Variants in ZSWIM6 observed in about 807,000 individuals in gnomAD.
ZSWIM6 encodes zinc finger SWIM domain-containing protein 6.
Under a neutral mutation model 113.2 loss-of-function variants are expected in ZSWIM6, and 9 were observed. The ratio of observed to expected loss-of-function variants is 0.08; its 90% CI spans 0.05 to 0.14. ZSWIM6 has a LOEUF of 0.14. Among genes scored for constraint, ZSWIM6 ranks in the 10% least tolerant of loss-of-function variants. The pLI, the probability that ZSWIM6 is intolerant of heterozygous loss-of-function variation, is 1.00. For missense variants in ZSWIM6, 1,162 were observed against 1,552.2 expected (o/e 0.75, Z 4.22); for synonymous variants, 611 against 606.5 (o/e 1.01, Z -0.11).
At chr5:61,515,710 G>C (rs1748915683) in intron 4 of ZSWIM6, among the ~76,000 whole-genome samples, 1 of 152,198 alleles carries the variant, frequency 6.6e-6, no homozygotes, top group Non-Finnish European at 1.5e-5. Flanking sequence ...TCAGGTATTT[G>C]ATAATTTTCT....
At chr5:61,444,310 G>C (rs1397237537) in intron 1 of ZSWIM6, among the ~76,000 whole-genome samples, 4 of 151,944 alleles carry the variant, frequency 2.6e-5, no homozygotes, top group African/African-American at 9.7e-5. Flanking sequence ...GTATTCCATG[G>C]TGTATATGTG....
chr5:61,471,041 G>T (rs961357844), intron 1 of ZSWIM6, among the ~76,000 whole-genome samples: 1 of 152,166 alleles, frequency 6.6e-6, no homozygotes, highest in Admixed American at 6.5e-5. Context: ...TGCACCACCC[G>T]TTCCAGAGTC....
chr5:61,518,649 T>C (rs1467426893), intron 4 of ZSWIM6, among the ~76,000 whole-genome samples: 1 of 152,224 alleles, frequency 6.6e-6, no homozygotes, highest in Non-Finnish European at 1.5e-5. Flanking sequence ...TGTTTTTTCT[T>C]GTAAATTTAT....
intron 2 of ZSWIM6, among the ~76,000 whole-genome samples, chr5:61,487,684 T>C (rs2112209211): frequency 6.6e-6 from 1 of 152,126 alleles, no homozygotes; most frequent in African/African-American, 2.4e-5. Context: ...CTTAGGTAGA[T>C]TGTTATTGGC....
chr5:61,452,348 C>T (rs1011971402), intron 1 of ZSWIM6, among the ~76,000 whole-genome samples: 2 of 151,878 alleles, frequency 1.3e-5, no homozygotes, highest in African/African-American at 4.8e-5. Flanking sequence ...TTTGGGTTAC[C>T]AGCTTTTTAT....
At chr5:61,356,637 T>A (rs901734882) in intron 1 of ZSWIM6, among the ~76,000 whole-genome samples, 1 of 145,652 alleles carries the variant, frequency 6.9e-6, no homozygotes. Flanking sequence ...TTTATAGTAA[T>A]AAGCTGTCTT....
At chr5:61,418,361 G>A (rs1310967955) in intron 1 of ZSWIM6, among the ~76,000 whole-genome samples, 2 of 151,648 alleles carry the variant, frequency 1.3e-5, no homozygotes, top group Non-Finnish European at 2.9e-5. Context: ...TCCGCTTCCC[G>A]GGTTCAAGTG....
At chr5:61,390,800 C>T (rs1745690849) in intron 1 of ZSWIM6, 3 of 793,808 alleles carry the variant, frequency 3.8e-6, no homozygotes, top group Admixed American at 1.7e-5. Context: ...CAATCTTCTC[C>T]AGAGGCCGCC....
intron 1 of ZSWIM6, among the ~76,000 whole-genome samples, chr5:61,440,892 T>A (rs1466637412): frequency 6.6e-6 from 1 of 152,200 alleles, no homozygotes; most frequent in Non-Finnish European, 1.5e-5. Flanking sequence ...TATAAACAAT[T>A]CACTATAGTG....
intron 1 of ZSWIM6, among the ~76,000 whole-genome samples, chr5:61,355,431 A>AACACACAAACACAC (rs1744879429): frequency 7.8e-6 from 1 of 127,596 alleles, no homozygotes. Context: ...GAGACTTTAA[A>AACACACAAACACAC]ACACACACAC....
At position 61,332,271 on chromosome 5, in the gene ZSWIM6, T is replaced by A; in HGVS notation, c.-2T>A. ...CGCTGTCGGGTTAGAAGCGGCGCGGTCATGGCGGAGCGCGGACAGCAGCCT... is the reference window on the plus strand; with the variant it reads ...CGCTGTCGGGTTAGAAGCGGCGCGGACATGGCGGAGCGCGGACAGCAGCCT... On this transcript the variant is annotated 5_prime_UTR_variant, in exon 1 of 14. Coordinates refer to ENST00000252744, the MANE Select transcript of ZSWIM6 (RefSeq NM_020928.2). 8.6e-7 allele frequency: 1 copy of A among 1,165,538 alleles called. No individual in the cohort carries two copies. The highest frequency in any genetic ancestry group is 1.1e-6 in the Non-Finnish European group (1 of 943,556). The allele number at this position is 1,165,538 out of a possible 1,614,324, so 72.2% of individuals were successfully genotyped here.
Position 61,415,105 on chromosome 5 carries a change from C to T in ZSWIM6, c.677-57576C>T, listed in dbSNP as rs1029490197. Among the ~76,000 whole-genome samples the T allele has an allele frequency of 3.3e-5, 5 of 152,188 alleles. No homozygotes were observed. The South Asian group carries it at 1.0e-3, about 31-fold the overall frequency. Reference sequence around the variant, plus strand: ...CAAAGCTGATGCTCCTCGTACTGTTCCCTATGGCTGCAACACAGAGCTAAT... The same window carrying T: ...CAAAGCTGATGCTCCTCGTACTGTTTCCTATGGCTGCAACACAGAGCTAAT... On this transcript the variant is annotated intron_variant, in intron 1 of 13. Coordinates refer to ENST00000252744, the MANE Select transcript of ZSWIM6 (RefSeq NM_020928.2).
chr5:61,414,407 A>G (rs1157498500), intron 1 of ZSWIM6, among the ~76,000 whole-genome samples: 1 of 152,144 alleles, frequency 6.6e-6, no homozygotes, highest in African/African-American at 2.4e-5. Flanking sequence ...CAGTTTTGGG[A>G]CGTGACAAAT....
At chr5:61,377,838 TC>T (rs1296245949) in intron 1 of ZSWIM6, among the ~76,000 whole-genome samples, 1 of 151,916 alleles carries the variant, frequency 6.6e-6, no homozygotes, top group African/African-American at 2.4e-5. Context: ...GACTAACAAT[TC>T]AGTAGAAAAA....
At chr5:61,422,698 C>T (rs1041368809) in intron 1 of ZSWIM6, among the ~76,000 whole-genome samples, 4 of 152,090 alleles carry the variant, frequency 2.6e-5, no homozygotes, top group African/African-American at 9.7e-5. Flanking sequence ...AATCCATGAA[C>T]ATGGAGTATA....
At chr5:61,342,320 G>A (rs1010770172) in intron 1 of ZSWIM6, among the ~76,000 whole-genome samples, 2 of 152,148 alleles carry the variant, frequency 1.3e-5, no homozygotes, top group Admixed American at 6.5e-5. Context: ...TTAACCAGGT[G>A]CCAAATACTG....
At chr5:61,464,220 A>C (rs1033209973) in intron 1 of ZSWIM6, among the ~76,000 whole-genome samples, 5 of 116,634 alleles carry the variant, frequency 4.3e-5, no homozygotes, top group Non-Finnish European at 8.1e-5. Flanking sequence ...AGGTATCTCC[A>C]TGTTGGCCAG....
intron 1 of ZSWIM6, among the ~76,000 whole-genome samples, chr5:61,398,821 G>A (rs886807642): frequency 3.3e-5 from 5 of 151,688 alleles, no homozygotes; most frequent in African/African-American, 1.2e-4. Context: ...GTGTCATTAG[G>A]ATGCTTTTTA....
chr5:61,332,347 GGGCAGCAGC>G lies in ZSWIM6; in HGVS notation c.79_87del (p.Ser27_Gly29del). On this transcript the variant is annotated inframe_deletion, in exon 1 of 14. Coordinates refer to ENST00000252744, the MANE Select transcript of ZSWIM6 (RefSeq NM_020928.2). ...GGCCGGGCGGCGGCGGCGGCGGCGG[GGGCAGCAGC>G]GGCGGCGGCGGCGGCGCGGGTGGCG... The G allele has an allele frequency of 2.1e-6, 2 of 966,692 alleles. No individual in the cohort carries two copies. Among genetic ancestry groups the G allele is most frequent in the Non-Finnish European group, 2.5e-6 (2 of 788,744 alleles). 59.9% of individuals were successfully genotyped at this position (966,692 alleles called of 1,614,324 possible). A position where few individuals can be genotyped will look rare whatever the true frequency, so the allele number is the denominator to read the frequency against.
Sources: gnomAD v4.1 joint callset for allele counts (sites outside exome capture counted in the v4.1 genomes callset) on GRCh38, gnomAD v4.1.1 for gene constraint, MANE v1.5 for transcripts, NCBI Gene and HGNC (gene_info 2026-07-23, HGNC 2026-07-21) for gene names.